Variants in TAC4 observed in about 807,000 individuals in gnomAD.
The protein encoded by TAC4 is tachykinin precursor 4, also known as tachykinin-4.
In TAC4, 17 loss-of-function variants were observed where a neutral mutation model predicts 17.7. The observed-to-expected ratio is 0.96, with a 90% confidence interval of 0.66 to 1.44. TAC4 has a LOEUF of 1.44. Ranked by LOEUF, TAC4 falls within the 40% of genes most tolerant of loss-of-function variation. TAC4 has a pLI of 0.00. For synonymous variants in TAC4, 62 were observed against 52.4 expected, an observed-to-expected ratio of 1.18 and a Z score of -0.79; for missense variants, 118 against 125.6, an observed-to-expected ratio of 0.94 and a Z score of 0.29.
In TAC4 at chr17:49,838,520, G is replaced by T; in HGVS notation, c.*122C>A. The T allele has an allele frequency of 1.6e-6, 2 of 1,216,004 alleles. No individual in the cohort carries two copies. Among genetic ancestry groups the T allele is most frequent in the Non-Finnish European group, 2.4e-6 (2 of 831,390 alleles). 75.3% of individuals were successfully genotyped at this position (1,216,004 alleles called of 1,614,324 possible). A position where few individuals can be genotyped will look rare whatever the true frequency, so the allele number is the denominator to read the frequency against. ...AGTGGGTTCAGTGTGGGCCTTGTGT[G>T]AAGTGCCAGCGATGAGGACAGGAGA... On this transcript the variant is annotated 3_prime_UTR_variant, in exon 5 of 5. Coordinates refer to ENST00000436235, the MANE Select transcript of TAC4 (RefSeq NM_001077506.2).
chr17:49,844,064 C>T lies in TAC4; in HGVS notation c.199G>A (p.Gly67Arg), dbSNP rs1598104612. 6.3e-7 allele frequency: 1 copy of T among 1,597,026 alleles called. No individual in the cohort carries two copies. Among genetic ancestry groups the T allele is most frequent in the Non-Finnish European group, 8.5e-7 (1 of 1,179,000 alleles). Residue 67 changes from glycine to arginine, a missense_variant and splice_region_variant, in exon 2 of 5, where the codon GGA (glycine) becomes AGA (arginine). By Grantham distance (125) the Gly-to-Arg change is moderately radical. Coordinates refer to ENST00000436235, the MANE Select transcript of TAC4 (RefSeq NM_001077506.2). ...GGGCTCCATTGTCATTGTCACTCAC[C>T]TCCCACTCGCTTCCCCATCAGCCCA... ...FFGLMGKRVGGRPLIQPRRKK... is the reference protein window; with the variant it reads ...FFGLMGKRVGRRPLIQPRRKK...
chr17:49,846,175 T>G (rs749596972), intron 1 of TAC4: 1 of 1,286,690 alleles, frequency 7.8e-7, no homozygotes, highest in Non-Finnish European at 1.0e-6. Flanking sequence ...GCCCTCCATA[T>G]CCATTTAACC....
At chr17:49,847,810 C>T (rs774193220) in intron 1 of TAC4, 103 bp downstream of exon 1, 1 of 1,595,900 alleles carries the variant, frequency 6.3e-7, no homozygotes, top group Non-Finnish European at 8.6e-7. Flanking sequence ...AGACTGCCTG[C>T]TCTCCCAGCA....
intron 2 of TAC4, among the ~76,000 whole-genome samples, chr17:49,843,071 G>C (rs2074510570): frequency 6.6e-6 from 1 of 152,144 alleles, no homozygotes; most frequent in East Asian, 1.9e-4. Context: ...ATACCCTCAG[G>C]GCTCATGTAG....
chr17:49,844,424 T>A (rs371239999), intron 1 of TAC4, among the ~76,000 whole-genome samples: 1 of 151,818 alleles, frequency 6.6e-6, no homozygotes, highest in East Asian at 1.9e-4. Flanking sequence ...CTAAGTACTG[T>A]TACTGTCATT....
chr17:49,842,693 G>C (rs944931404), intron 2 of TAC4, among the ~76,000 whole-genome samples: 4 of 151,960 alleles, frequency 2.6e-5, no homozygotes, highest in African/African-American at 7.3e-5. Flanking sequence ...ATTTTGAAAA[G>C]GTTTGTACAA....
chr17:49,841,244 CTTTTT>C (rs745671170), intron 3 of TAC4, among the ~76,000 whole-genome samples: 15 of 110,364 alleles, frequency 1.4e-4, no homozygotes, highest in African/African-American at 4.4e-4. Flanking sequence ...TAGTGGTTGA[CTTTTT>C]TTTTTTTTTT....
At chr17:49,838,759 G>T in intron 4 of TAC4, 86 bp from the exon 5 acceptor site, 2 of 1,412,260 alleles carry the variant, frequency 1.4e-6, no homozygotes, top group Non-Finnish European at 2.0e-6. Flanking sequence ...TAGTTGCATT[G>T]AAGGCCTTCA....
chr17:49,842,588 C>CT (rs1202268459), intron 2 of TAC4, among the ~76,000 whole-genome samples: 1 of 151,440 alleles, frequency 6.6e-6, no homozygotes, highest in East Asian at 1.9e-4. Flanking sequence ...GAAGAGGAAA[C>CT]TAAGGCCAAA....
In TAC4 at chr17:49,845,646, C is replaced by T. The variant is rs567739739; in HGVS notation, c.106-1489G>A. On this transcript the variant is annotated intron_variant, in intron 1 of 4. Transcript: ENST00000436235. ...AGACAAACAGAGCCCTAGAGTAATG[C>T]GAGCCGCCTGCCAGGAGCTGGGAGC... Among the ~76,000 whole-genome samples, 69 of 152,258 alleles carry T rather than the reference C, an allele frequency of 4.5e-4. 1 individual carries two copies. The highest frequency in any genetic ancestry group is 1.6e-3 in the African/African-American group (65 of 41,538).
At chr17:49,844,191 A>T in intron 1 of TAC4, 34 bp from the exon 2 acceptor site, 1 of 1,609,398 alleles carries the variant, frequency 6.2e-7, no homozygotes, top group Non-Finnish European at 8.5e-7. Context: ...TAGAGTTGGG[A>T]GGTTGTCCAG....
At chr17:49,840,273 T>C (rs745841164) in intron 3 of TAC4, among the ~76,000 whole-genome samples, 15 of 152,062 alleles carry the variant, frequency 9.9e-5, no homozygotes, top group Non-Finnish European at 1.6e-4. Flanking sequence ...CAGCCAGCTA[T>C]GTGACCCAGC....
rs554503361 is a variant in TAC4 at position 49,846,435 on chromosome 17, C to T, written c.105+1478G>A. Reference sequence around the variant, plus strand: ...GGGGCCACAGATGTGCATCATCATGCCTGGCAAATTTTGTTTATGTTTTGT... The same window carrying T: ...GGGGCCACAGATGTGCATCATCATGTCTGGCAAATTTTGTTTATGTTTTGT... On this transcript the variant is annotated intron_variant, in intron 1 of 4. Transcript: ENST00000436235. Among the ~76,000 whole-genome samples the T allele has an allele frequency of 2.6e-5, 4 of 152,216 alleles. No individual in the cohort carries two copies. In the South Asian group the frequency reaches 6.2e-4, roughly 24 times the overall value.
At position 49,842,053 on chromosome 17, in the gene TAC4, G is replaced by C. The variant is rs978537596; in HGVS notation, c.200-469C>G. Among the ~76,000 whole-genome samples the C allele has an allele frequency of 2.0e-5, 3 of 151,114 alleles. No individual in the cohort carries two copies. The South Asian group carries it at 6.3e-4, about 32-fold the overall frequency. On this transcript the variant is annotated intron_variant, in intron 2 of 4. Coordinates refer to ENST00000436235, the MANE Select transcript of TAC4 (RefSeq NM_001077506.2). ...CGAGTAGCCAGGACTACAGGCGCCC[G>C]CCACCACGCCCGGCTAATTTTTTTG...
chr17:49,842,901 A>G (rs1029407260), intron 2 of TAC4, among the ~76,000 whole-genome samples: 1 of 152,158 alleles, frequency 6.6e-6, no homozygotes. Context: ...CCACTTAACC[A>G]TGTATCTTGG....
At chr17:49,842,069 A>T (rs1259075822) in intron 2 of TAC4, among the ~76,000 whole-genome samples, 2 of 150,904 alleles carry the variant, frequency 1.3e-5, no homozygotes, top group African/African-American at 2.4e-5. Context: ...ACGCCCGGCT[A>T]ATTTTTTTGT....
At position 49,838,526 on chromosome 17, in the gene TAC4, C is replaced by G. The variant is rs994867039; in HGVS notation, c.*116G>C. ...TTCAGTGTGGGCCTTGTGTGAAGTGCCAGCGATGAGGACAGGAGACACAGA... is the reference window on the plus strand; with the variant it reads ...TTCAGTGTGGGCCTTGTGTGAAGTGGCAGCGATGAGGACAGGAGACACAGA... On this transcript the variant is annotated 3_prime_UTR_variant, in exon 5 of 5. Coordinates refer to ENST00000436235, the MANE Select transcript of TAC4 (RefSeq NM_001077506.2). 23 of 1,283,634 alleles carry G rather than the reference C, an allele frequency of 1.8e-5. No individual in the cohort carries two copies. The highest frequency in any genetic ancestry group is 1.8e-4 in the Middle Eastern group (1 of 5,440). 79.5% of individuals were successfully genotyped at this position (1,283,634 alleles called of 1,614,324 possible).
chr17:49,845,094 C>A (rs2074528012), intron 1 of TAC4, among the ~76,000 whole-genome samples: 1 of 152,106 alleles, frequency 6.6e-6, no homozygotes, highest in Non-Finnish European at 1.5e-5. Context: ...CACGGTGGGT[C>A]CCCAGGAGGC....
intron 1 of TAC4, among the ~76,000 whole-genome samples, chr17:49,845,184 GC>G (rs1237869015): frequency 1.3e-5 from 2 of 152,296 alleles, no homozygotes; most frequent in East Asian, 3.9e-4. Context: ...GATTTTCCTT[GC>G]CTTAGAGCCT....
Sources: allele counts gnomAD v4.1 joint callset (sites outside exome capture counted in the v4.1 genomes callset), GRCh38; gene constraint gnomAD v4.1.1; transcripts MANE v1.5; gene names NCBI Gene and HGNC (gene_info 2026-07-23, HGNC 2026-07-21).